The following RIT2 variants were observed in gnomAD, a reference collection of about 807,000 sequenced individuals.
RIT2 encodes Ras like without CAAX 2.
RIT2 carries 24 observed loss-of-function variants against 23.7 expected under a neutral mutation model. The observed-to-expected ratio is 1.01, with a 90% CI of 0.73 to 1.43. The LOEUF is 1.43. Among genes scored for constraint, RIT2 ranks in the 40% most tolerant of loss-of-function variants. The probability of loss-of-function intolerance (pLI) is 0.00; values close to 1 mark genes in which losing one functional copy is unlikely to be tolerated. For missense variants in RIT2, 236 were observed against 266.9 expected, an observed-to-expected ratio of 0.88 and a Z score of 0.81; for synonymous variants, 107 against 91.1, an observed-to-expected ratio of 1.17 and a Z score of -0.99.
chr18:42,816,914 G>C (rs1906014335), intron 4 of RIT2, among the ~76,000 whole-genome samples: 1 of 152,108 alleles, frequency 6.6e-6, no homozygotes, highest in South Asian at 2.1e-4. Context: ...ACTTTAAGGT[G>C]CATAAAAAAT....
At chr18:42,970,431 G>A (rs1286998828) in intron 3 of RIT2, among the ~76,000 whole-genome samples, 2 of 151,978 alleles carry the variant, frequency 1.3e-5, no homozygotes, top group African/African-American at 4.8e-5. Context: ...CTGAGATTTG[G>A]TGATGCCATG....
intron 1 of RIT2, among the ~76,000 whole-genome samples, chr18:43,071,088 C>T (rs1050301021): frequency 6.6e-6 from 1 of 152,148 alleles, no homozygotes; most frequent in Admixed American, 6.5e-5. Context: ...TTCTGGGTTT[C>T]TCCATCTCAG....
intron 4 of RIT2, among the ~76,000 whole-genome samples, chr18:42,893,183 G>A (rs112549948): frequency 0.016 from 2,269 of 140,916 alleles, 57 homozygotes; most frequent in African/African-American, 0.056. Context: ...AGCCAAGATC[G>A]CCACTGCACT....
chr18:42,743,312 C>G lies in RIT2; in HGVS notation c.*181G>C. 1 of 596,644 alleles carries G rather than the reference C, an allele frequency of 1.7e-6. No homozygotes were observed. 37.0% of individuals were successfully genotyped at this position (596,644 alleles called of 1,614,324 possible). A position where few individuals can be genotyped will look rare whatever the true frequency, so the allele number is the denominator to read the frequency against. Reference sequence around the variant, plus strand: ...CAGCTGATTGACAAAATCCATCCAACTGTTAAAGGCAAAACAAAACTATCT... The same window carrying G: ...CAGCTGATTGACAAAATCCATCCAAGTGTTAAAGGCAAAACAAAACTATCT... On this transcript the variant is annotated 3_prime_UTR_variant, in exon 5 of 5. Transcript: ENST00000326695.
intron 3 of RIT2, among the ~76,000 whole-genome samples, chr18:42,966,556 A>T (rs1910228657): frequency 6.6e-6 from 1 of 152,196 alleles, no homozygotes; most frequent in African/African-American, 2.4e-5. Context: ...AGGTTCATAA[A>T]GCATATTTTG....
Position 42,900,990 on chromosome 18 carries a change from T to C in RIT2, c.426+22582A>G, listed in dbSNP as rs984070799. Among the ~76,000 whole-genome samples the C allele has an allele frequency of 3.9e-5, 6 of 151,994 alleles. 1 individual carries two copies. In the South Asian group the frequency reaches 1.2e-3, roughly 31 times the overall value. ...ATTTTATTTGGCTTTTTTTTTACTG[T>C]GCTGGCATTTTTACTGATGGTGCAA... On this transcript the variant is annotated intron_variant, in intron 4 of 4. Coordinates refer to ENST00000326695, the MANE Select transcript of RIT2 (RefSeq NM_002930.4).
At chr18:43,007,555 T>C (rs1911255546) in intron 2 of RIT2, among the ~76,000 whole-genome samples, 1 of 151,580 alleles carries the variant, frequency 6.6e-6, no homozygotes, top group South Asian at 2.1e-4. Context: ...GCCAAGAACA[T>C]ATTTTCATAT....
chr18:43,080,679 T>C (rs1004181186), intron 1 of RIT2, among the ~76,000 whole-genome samples: 3 of 152,228 alleles, frequency 2.0e-5, no homozygotes, highest in Non-Finnish European at 2.9e-5. Context: ...CTTATTTCAT[T>C]TGATTCTTTC....
intron 1 of RIT2, among the ~76,000 whole-genome samples, chr18:43,065,266 GC>G (rs1255195179): frequency 9.4e-6 from 1 of 106,420 alleles, no homozygotes; most frequent in African/African-American, 3.7e-5. Flanking sequence ...TCAATCTGTT[GC>G]CCAGGTTGGA....
At chr18:42,868,790 G>A (rs927330842) in intron 4 of RIT2, among the ~76,000 whole-genome samples, 3 of 152,206 alleles carry the variant, frequency 2.0e-5, no homozygotes, top group Admixed American at 2.0e-4. Context: ...ATTTACTCTT[G>A]GTAGTATTCA....
chr18:42,891,673 T>A (rs1462198253), intron 4 of RIT2, among the ~76,000 whole-genome samples: 1 of 152,052 alleles, frequency 6.6e-6, no homozygotes, highest in Non-Finnish European at 1.5e-5. Flanking sequence ...AATTCAACAA[T>A]ATGACATTCT....
intron 2 of RIT2, among the ~76,000 whole-genome samples, chr18:42,991,814 C>G (rs1910856971): frequency 6.6e-6 from 1 of 152,020 alleles, no homozygotes; most frequent in African/African-American, 2.4e-5. Context: ...TTTCCTCTAC[C>G]TACCCAAATC....
At position 42,743,644 on chromosome 18, in the gene RIT2, A is replaced by C; in HGVS notation, c.503T>G (p.Phe168Cys). Residue 168 changes from phenylalanine (F) to cysteine (C), a missense_variant, in exon 5 of 5, where the codon TTC (phenylalanine) becomes TGC (cysteine). Coordinates refer to ENST00000326695, the MANE Select transcript of RIT2 (RefSeq NM_002930.4). ...GCCATGAAAAGCATCATCAATACAG[A>C]ATCTGAGGGCTGCAGAGGTCTCAAA... ...GFFETSAALR[F>C]CIDDAFHGLV... 3 of 1,614,120 alleles carry C rather than the reference A, an allele frequency of 1.9e-6. No homozygotes were observed. The highest frequency in any genetic ancestry group is 2.5e-6 in the Non-Finnish European group (3 of 1,179,986).
intron 4 of RIT2, among the ~76,000 whole-genome samples, chr18:42,890,879 GC>G (rs1393950609): frequency 1.3e-5 from 2 of 152,104 alleles, no homozygotes; most frequent in East Asian, 3.9e-4. Context: ...CAGTTGATCG[GC>G]ATATAATTCT....
At chr18:42,766,327 G>A (rs2143908039) in intron 4 of RIT2, among the ~76,000 whole-genome samples, 1 of 152,278 alleles carries the variant, frequency 6.6e-6, no homozygotes, top group South Asian at 2.1e-4. Context: ...ATCAGATGGA[G>A]ATGAGGAATT....
intron 2 of RIT2, among the ~76,000 whole-genome samples, chr18:42,979,681 C>G (rs1910552750): frequency 1.3e-5 from 2 of 152,034 alleles, no homozygotes; most frequent in South Asian, 4.1e-4. Context: ...CTGGATGAAT[C>G]AGCATTGATA....
At chr18:42,850,076 C>T (rs940446339) in intron 4 of RIT2, among the ~76,000 whole-genome samples, 4 of 142,660 alleles carry the variant, frequency 2.8e-5, no homozygotes, top group East Asian at 2.1e-4. Context: ...AAAATACACC[C>T]GTGTGTGTGT....
intron 2 of RIT2, among the ~76,000 whole-genome samples, chr18:42,976,802 C>T (rs1910487031): frequency 6.6e-6 from 1 of 151,940 alleles, no homozygotes; most frequent in African/African-American, 2.4e-5. Context: ...AGACGGAAGA[C>T]TAGAGGCACA....
At chr18:43,078,761 C>G (rs532062249) in intron 1 of RIT2, among the ~76,000 whole-genome samples, 2 of 152,152 alleles carry the variant, frequency 1.3e-5, no homozygotes, top group Non-Finnish European at 2.9e-5. Context: ...GAGTTAAAGG[C>G]ATTGTCTCAG....
Sources: allele counts gnomAD v4.1 joint callset (sites outside exome capture counted in the v4.1 genomes callset), GRCh38; gene constraint gnomAD v4.1.1; transcripts MANE v1.5; gene names NCBI Gene and HGNC (gene_info 2026-07-23, HGNC 2026-07-21).